ADK: variants seen among roughly 807,000 people sequenced by gnomAD.
ADK encodes N6,N6-dimethyladenosine kinase.
ADK carries 24 observed loss-of-function variants against 44.7 expected under a neutral mutation model. That is an observed-to-expected ratio of 0.54 (90% confidence interval 0.39 to 0.76). ADK has a LOEUF of 0.76. Ranked by LOEUF, ADK falls within the 30% of genes least tolerant of loss-of-function variation. The pLI is 0.00. For missense variants in ADK, 321 were observed against 425.1 expected (o/e 0.76, Z 2.15); for synonymous variants, 128 against 142.6 (o/e 0.90, Z 0.73).
At chr10:74,232,320 A>G (rs1844795246) in intron 3 of ADK, among the ~76,000 whole-genome samples, 1 of 152,034 alleles carries the variant, frequency 6.6e-6, no homozygotes, top group African/African-American at 2.4e-5. Context: ...GGAGTTTGAA[A>G]CCAGCCTTGG....
At chr10:74,661,224 G>A in intron 9 of ADK, 1 of 681,828 alleles carries the variant, frequency 1.5e-6, no homozygotes, top group Non-Finnish European at 1.8e-6. Context: ...GAATTTAAAT[G>A]TCAGTTAACT....
chr10:74,669,183 A>G (rs1855080670), intron 9 of ADK, among the ~76,000 whole-genome samples: 1 of 152,236 alleles, frequency 6.6e-6, no homozygotes, highest in South Asian at 2.1e-4. Context: ...AAAGCTAGAC[A>G]GAATATGCTT....
chr10:74,496,829 G>A (rs1361772957), intron 6 of ADK, among the ~76,000 whole-genome samples: 1 of 152,026 alleles, frequency 6.6e-6, no homozygotes, highest in Non-Finnish European at 1.5e-5. Context: ...AAATTTGTCA[G>A]TACTTAAAAA....
At chr10:74,682,932 T>A (rs745560676) in intron 10 of ADK, among the ~76,000 whole-genome samples, 13 of 152,216 alleles carry the variant, frequency 8.5e-5, no homozygotes, top group Non-Finnish European at 1.3e-4. Flanking sequence ...GCACAGTAGC[T>A]TTTTCAGTTA....
At chr10:74,302,925 T>C (rs1490181382) in intron 3 of ADK, among the ~76,000 whole-genome samples, 1 of 152,342 alleles carries the variant, frequency 6.6e-6, no homozygotes, top group Non-Finnish European at 1.5e-5. Flanking sequence ...TTAAATTCTG[T>C]GGGAAATATG....
chr10:74,689,025 G>A (rs566236986), intron 10 of ADK, among the ~76,000 whole-genome samples: 30 of 152,222 alleles, frequency 2.0e-4, no homozygotes, highest in African/African-American at 4.8e-4. Context: ...GGCCGAGACC[G>A]GATCATGAGG....
chr10:74,359,064 G>A (rs1176120984), intron 4 of ADK, among the ~76,000 whole-genome samples: 1 of 151,868 alleles, frequency 6.6e-6, no homozygotes, highest in Non-Finnish European at 1.5e-5. Flanking sequence ...CCTTCCTTTT[G>A]TAGTTTCAGG....
chr10:74,241,512 A>T (rs1845206497), intron 3 of ADK, among the ~76,000 whole-genome samples: 1 of 152,118 alleles, frequency 6.6e-6, no homozygotes, highest in South Asian at 2.1e-4. Context: ...CAGCCTCCTG[A>T]GTAGCTGGGA....
chr10:74,655,683 A>G (rs1014654167), intron 9 of ADK: 1 of 472,764 alleles, frequency 2.1e-6, no homozygotes, highest in Non-Finnish European at 4.2e-6. Context: ...CCCGAAGGAC[A>G]TATCCGTGGC....
intron 7 of ADK, among the ~76,000 whole-genome samples, chr10:74,579,350 A>G (rs1589267060): frequency 6.6e-6 from 1 of 152,176 alleles, no homozygotes; most frequent in African/African-American, 2.4e-5. Context: ...AGGATTGCAG[A>G]CTTACTGAAT....
At chr10:74,445,051 A>G (rs1206003997) in intron 6 of ADK, among the ~76,000 whole-genome samples, 2 of 152,062 alleles carry the variant, frequency 1.3e-5, no homozygotes, top group African/African-American at 2.4e-5. Flanking sequence ...AATATAAACA[A>G]TGGGTTGTAA....
In ADK at chr10:74,507,865, G is replaced by A. The variant is rs574368423; in HGVS notation, c.556-17391G>A. On this transcript the variant is annotated intron_variant, in intron 6 of 10. Coordinates refer to ENST00000539909, the MANE Select transcript of ADK (RefSeq NM_006721.4). ...TATTTCATAATATCACATATTATGG[G>A]CATTCAAAGAAGAATGTGTACATCT... Among the ~76,000 whole-genome samples the A allele has an allele frequency of 4.6e-5, 7 of 152,166 alleles. No homozygotes were observed. The South Asian group carries it at 1.2e-3, about 27-fold the overall frequency.
In ADK at chr10:74,652,047, TTTC is replaced by T. The variant is rs1415262180; in HGVS notation, c.878-18133_878-18131del. Among the ~76,000 whole-genome samples the T allele has an allele frequency of 1.6e-3, 220 of 141,462 alleles. 1 individual carries two copies. Among genetic ancestry groups the T allele is most frequent in the African/African-American group, 5.2e-3 (184 of 35,474 alleles). 92.8% of individuals were successfully genotyped at this position (141,462 alleles called of 152,430 possible). A position where few individuals can be genotyped will look rare whatever the true frequency, so the allele number is the denominator to read the frequency against. ...AAGGGATATGAAGGAACTTTCTTTC[TTTC>T]TTTTTTTTTTTTTTTGAGACAGAGT... On this transcript the variant is annotated intron_variant, in intron 9 of 10. Transcript: ENST00000539909.
intron 8 of ADK, among the ~76,000 whole-genome samples, chr10:74,595,721 G>A (rs1323478442): frequency 0.07 from 6 of 86 alleles, 1 homozygote; most frequent in Non-Finnish European, 0.1. Flanking sequence ...ATGGCCGGGT[G>A]TGGTGGCTCC....
At chr10:74,559,785 C>T (rs1375123577) in intron 7 of ADK, among the ~76,000 whole-genome samples, 1 of 151,182 alleles carries the variant, frequency 6.6e-6, no homozygotes, top group African/African-American at 2.4e-5. Context: ...TTCCTCTTCT[C>T]TTAACTCCTT....
chr10:74,432,610 C>G (rs907220269), intron 6 of ADK, among the ~76,000 whole-genome samples: 2 of 152,072 alleles, frequency 1.3e-5, no homozygotes, highest in African/African-American at 4.8e-5. Flanking sequence ...TCCATGCATA[C>G]AATTCAATTT....
At chr10:74,500,068 G>A (rs916080414) in intron 6 of ADK, among the ~76,000 whole-genome samples, 8 of 152,214 alleles carry the variant, frequency 5.3e-5, no homozygotes, top group African/African-American at 1.9e-4. Context: ...TGTAGCTGCA[G>A]AACTCTGTTT....
At chr10:74,187,726 A>G (rs950608910) in intron 1 of ADK, among the ~76,000 whole-genome samples, 2 of 151,944 alleles carry the variant, frequency 1.3e-5, no homozygotes, top group Admixed American at 6.6e-5. Flanking sequence ...GTTTTTTTCT[A>G]GAAGCTTTAT....
chr10:74,157,276 C>T (rs1227579625), intron 1 of ADK, among the ~76,000 whole-genome samples: 4 of 152,024 alleles, frequency 2.6e-5, no homozygotes, highest in Non-Finnish European at 5.9e-5. Context: ...CGAGGAAGAC[C>T]ATTACTTAGA....
Sources: allele counts gnomAD v4.1 joint callset (sites outside exome capture counted in the v4.1 genomes callset), GRCh38; gene constraint gnomAD v4.1.1; transcripts MANE v1.5; gene names NCBI Gene and HGNC (gene_info 2026-07-23, HGNC 2026-07-21).